Variants in EYS observed in about 807,000 individuals in gnomAD.
EYS encodes the protein protein eyes shut homolog.
Under a neutral mutation model 282.1 loss-of-function variants are expected in EYS, and 250 were observed. That is an observed-to-expected ratio of 0.89 (90% confidence interval 0.80 to 0.98). The LOEUF (loss-of-function observed/expected upper bound fraction) is 0.98, where lower values mean the gene tolerates loss of function less well. Ranked by LOEUF, EYS falls within the 50% of genes least tolerant of loss-of-function variation. EYS has a pLI of 0.00. For missense variants in EYS, 4,016 were observed against 3,709.0 expected (o/e 1.08, Z -2.15); for synonymous variants, 1,355 against 1,282.9 (o/e 1.06, Z -1.20).
intron 22 of EYS, among the ~76,000 whole-genome samples, chr6:64,633,525 A>G (rs551250698): frequency 5.3e-5 from 8 of 152,252 alleles, no homozygotes; most frequent in African/African-American, 1.7e-4. Flanking sequence ...AGGGAAAAAT[A>G]AAAGTTAAAT....
At chr6:64,452,830 C>G (rs1301929954) in intron 26 of EYS, among the ~76,000 whole-genome samples, 3 of 152,144 alleles carry the variant, frequency 2.0e-5, no homozygotes, top group Non-Finnish European at 4.4e-5. Context: ...AACTGGATCC[C>G]TTCCTTATAC....
At chr6:64,856,107 A>C (rs9342438) in intron 19 of EYS, among the ~76,000 whole-genome samples, 23,183 of 151,950 alleles carry the variant, frequency 0.15, 2,004 homozygotes, top group East Asian at 0.43. Flanking sequence ...CACATTTCCA[A>C]CTCATTTGGG....
chr6:64,020,069 T>C (rs1341408569), intron 33 of EYS, among the ~76,000 whole-genome samples: 1 of 151,950 alleles, frequency 6.6e-6, no homozygotes, highest in African/African-American at 2.4e-5. Flanking sequence ...ATTACAAACA[T>C]CTAAACTCTA....
intron 32 of EYS, among the ~76,000 whole-genome samples, chr6:64,067,518 T>C (rs1771416364): frequency 6.6e-6 from 1 of 152,156 alleles, no homozygotes; most frequent in South Asian, 2.1e-4. Flanking sequence ...AGTCTTCCCT[T>C]TATGACAGTC....
At chr6:64,141,823 A>G (rs1257688656) in intron 31 of EYS, among the ~76,000 whole-genome samples, 1 of 152,124 alleles carries the variant, frequency 6.6e-6, no homozygotes, top group Non-Finnish European at 1.5e-5. Flanking sequence ...GTGGTGTTTT[A>G]TGTGTGGAAG....
chr6:64,356,748 G>A (rs1202475850), intron 29 of EYS, among the ~76,000 whole-genome samples: 1 of 151,598 alleles, frequency 6.6e-6, no homozygotes, highest in Non-Finnish European at 1.5e-5. Flanking sequence ...GAAGAAATAT[G>A]CAACATTGTT....
chr6:65,037,040 C>T (rs1460413867), intron 13 of EYS, among the ~76,000 whole-genome samples: 3 of 151,836 alleles, frequency 2.0e-5, no homozygotes, highest in Non-Finnish European at 2.9e-5. Flanking sequence ...TTCCTAATAG[C>T]AAAGTCATGG....
At chr6:63,942,404 T>A (rs898031800) in intron 35 of EYS, among the ~76,000 whole-genome samples, 30 of 152,166 alleles carry the variant, frequency 2.0e-4, no homozygotes, top group African/African-American at 6.5e-4. Flanking sequence ...AAGGTTTCAA[T>A]ATAGGATCTT....
At chr6:64,875,193 T>C (rs140430440) in intron 19 of EYS, among the ~76,000 whole-genome samples, 3 of 152,192 alleles carry the variant, frequency 2.0e-5, no homozygotes, top group African/African-American at 7.2e-5. Flanking sequence ...ATGTGCTTTG[T>C]ACACTCAATT....
chr6:65,703,331 T>C (rs533817781), intron 1 of EYS, among the ~76,000 whole-genome samples: 118 of 152,162 alleles, frequency 7.8e-4, no homozygotes, highest in Non-Finnish European at 8.8e-4. Flanking sequence ...GAAAGATACA[T>C]GGATAGATAG....
intron 33 of EYS, among the ~76,000 whole-genome samples, chr6:64,026,553 G>C (rs1452785474): frequency 2.0e-5 from 3 of 152,166 alleles, no homozygotes; most frequent in Admixed American, 2.0e-4. Context: ...CCTGCAGCTT[G>C]ACCTTTTCTG....
chr6:65,333,624 AG>A (rs773651040), intron 11 of EYS, among the ~76,000 whole-genome samples: 41 of 151,576 alleles, frequency 2.7e-4, no homozygotes, highest in Non-Finnish European at 5.6e-4. Context: ...TGCTATTGAA[AG>A]TAGAATATTA....
chr6:65,068,608 G>T (rs536399377), intron 12 of EYS, among the ~76,000 whole-genome samples: 2 of 152,104 alleles, frequency 1.3e-5, no homozygotes, highest in Admixed American at 6.6e-5. Context: ...GGTGGGACTA[G>T]ATATTAATCC....
At chr6:64,252,433 A>G (rs1013831190) in intron 30 of EYS, among the ~76,000 whole-genome samples, 28 of 152,184 alleles carry the variant, frequency 1.8e-4, no homozygotes, top group African/African-American at 5.3e-4. Flanking sequence ...AAACAATCCA[A>G]TTGGCTTCCT....
chr6:64,166,947 A>G (rs954769123), intron 31 of EYS, among the ~76,000 whole-genome samples: 1 of 152,174 alleles, frequency 6.6e-6, no homozygotes, highest in African/African-American at 2.4e-5. Context: ...AATTTTGCTA[A>G]AGTTGTAGAA....
chr6:64,620,344 T>C (rs548921651), intron 23 of EYS, among the ~76,000 whole-genome samples: 1 of 152,316 alleles, frequency 6.6e-6, no homozygotes, highest in Middle Eastern at 3.4e-3. Flanking sequence ...GACTCTACAG[T>C]GAGATCTGCT....
At chr6:64,118,546 A>G (rs908944595) in intron 31 of EYS, among the ~76,000 whole-genome samples, 1 of 152,148 alleles carries the variant, frequency 6.6e-6, no homozygotes, top group African/African-American at 2.4e-5. Context: ...CTCAAAATGG[A>G]TGAAATAATT....
chr6:64,786,983 G>A (rs935541374), intron 22 of EYS, among the ~76,000 whole-genome samples: 1 of 152,138 alleles, frequency 6.6e-6, no homozygotes, highest in Non-Finnish European at 1.5e-5. Flanking sequence ...TTAGCATTTT[G>A]TTATCCTTTT....
rs140332756 is a variant in EYS at position 64,706,294 on chromosome 6, A to G, written c.3444-80049T>C. Among the ~76,000 whole-genome samples the G allele has an allele frequency of 5.5e-4, 84 of 152,288 alleles. 1 individual carries two copies. Among genetic ancestry groups the G allele is most frequent in the African/African-American group, 2.0e-3 (82 of 41,572 alleles). On this transcript the variant is annotated intron_variant, in intron 22 of 42. Transcript: ENST00000503581. Reference sequence around the variant, plus strand: ...CGTAGATGCGTGAAACTGGATCCTCATCTCTCACCTTATACAAAAATAAAC... The same window carrying G: ...CGTAGATGCGTGAAACTGGATCCTCGTCTCTCACCTTATACAAAAATAAAC...
Sources: allele counts gnomAD v4.1 joint callset (sites outside exome capture counted in the v4.1 genomes callset), GRCh38; gene constraint gnomAD v4.1.1; transcripts MANE v1.5; gene names NCBI Gene and HGNC (gene_info 2026-07-23, HGNC 2026-07-21).